The following BICC1 variants were observed in gnomAD, a reference collection of about 807,000 sequenced individuals.
The protein encoded by BICC1 is protein bicaudal C homolog 1.
Under a neutral mutation model 111.0 loss-of-function variants are expected in BICC1, and 43 were observed. The ratio of observed to expected loss-of-function variants is 0.39; its 90% CI spans 0.30 to 0.50. The LOEUF (loss-of-function observed/expected upper bound fraction) is 0.50. BICC1 is among the 20% of genes least tolerant of loss of function. The pLI is 0.88. For synonymous variants in BICC1, 467 were observed against 434.4 expected (o/e 1.07, Z -0.93); for missense variants, 1,091 against 1,203.2 (o/e 0.91, Z 1.38).
At chr10:58,757,997 T>G (rs936029655) in intron 3 of BICC1, among the ~76,000 whole-genome samples, 4 of 152,172 alleles carry the variant, frequency 2.6e-5, no homozygotes, top group African/African-American at 9.7e-5. Flanking sequence ...GTGCTTGGTT[T>G]CCTAAGCCAT....
chr10:58,806,743 G>T (rs905700654), intron 16 of BICC1, 120 bp downstream of exon 16: 3 of 937,144 alleles, frequency 3.2e-6, no homozygotes, highest in African/African-American at 3.3e-5. Context: ...AGAATATTTG[G>T]GTTCAAGTTG....
At chr10:58,740,567 A>G (rs1252219556) in intron 3 of BICC1, among the ~76,000 whole-genome samples, 2 of 152,168 alleles carry the variant, frequency 1.3e-5, no homozygotes, top group Non-Finnish European at 2.9e-5. Flanking sequence ...TTTAGTCAAG[A>G]GTCATTATGG....
intron 3 of BICC1, among the ~76,000 whole-genome samples, chr10:58,756,939 T>C (rs1842165288): frequency 6.6e-6 from 1 of 152,214 alleles, no homozygotes; most frequent in African/African-American, 2.4e-5. Flanking sequence ...TAGACTTTGA[T>C]AGTGAAGCAT....
intron 2 of BICC1, among the ~76,000 whole-genome samples, chr10:58,697,635 A>G (rs568193742): frequency 6.6e-6 from 1 of 152,276 alleles, no homozygotes; most frequent in Non-Finnish European, 1.5e-5. Flanking sequence ...CATTTAGGAC[A>G]TATTTTTGCA....
At chr10:58,775,794 T>A (rs561634914) in intron 3 of BICC1, among the ~76,000 whole-genome samples, 17 of 152,310 alleles carry the variant, frequency 1.1e-4, no homozygotes, top group African/African-American at 3.8e-4. Flanking sequence ...GATAGGCATT[T>A]TGCAAGTGAT....
intron 2 of BICC1, among the ~76,000 whole-genome samples, chr10:58,625,902 G>A (rs1485570181): frequency 6.6e-6 from 1 of 151,940 alleles, no homozygotes; most frequent in Non-Finnish European, 1.5e-5. Flanking sequence ...ATTTCGAGTG[G>A]GTTATTTCCT....
chr10:58,791,640 T>C (rs1290524109), intron 8 of BICC1, among the ~76,000 whole-genome samples: 1 of 151,894 alleles, frequency 6.6e-6, no homozygotes, highest in African/African-American at 2.4e-5. Context: ...CTCAAGAGGC[T>C]GAGACAGGAG....
intron 1 of BICC1, among the ~76,000 whole-genome samples, chr10:58,573,681 CT>C (rs1844028636): frequency 1.3e-5 from 2 of 152,238 alleles, no homozygotes; most frequent in South Asian, 4.1e-4. Context: ...AGTTGTATGA[CT>C]GTTCTCTAAT....
In BICC1 at chr10:58,807,081, A is replaced by T. The variant is rs758938528; in HGVS notation, c.2299A>T (p.Met767Leu). The change falls in exon 17 of 21, where the codon ATG (methionine) becomes TTG (leucine). Residue 767 changes from methionine to leucine, a missense_variant. Coordinates refer to ENST00000373886, the MANE Select transcript of BICC1 (RefSeq NM_001080512.3). Reference protein sequence around the residue: ...TWSGLGFSKSMPAETIKELRR... With the variant: ...TWSGLGFSKSLPAETIKELRR... ...GAGTGGCCTGGGTTTTTCTAAATCC[A>T]TGCCAGCTGAAACTATCAAGGAGTT... 1.2e-6 allele frequency: 2 copies of T among 1,613,988 alleles called. No homozygotes were observed. The highest frequency in any genetic ancestry group is 2.2e-5 in the East Asian group (1 of 44,856).
intron 1 of BICC1, among the ~76,000 whole-genome samples, chr10:58,560,088 G>T (rs1843562866): frequency 6.6e-6 from 1 of 151,826 alleles, no homozygotes; most frequent in Non-Finnish European, 1.5e-5. Flanking sequence ...CATAGAATGA[G>T]TTAGGAAGAA....
intron 1 of BICC1, among the ~76,000 whole-genome samples, chr10:58,524,045 A>C (rs7393610): frequency 0.46 from 69,706 of 151,748 alleles, 17,063 homozygotes; most frequent in Admixed American, 0.62. Flanking sequence ...TCAATGAAAT[A>C]AAAGAGGATA....
At chr10:58,726,961 A>AG (rs1589068434) in intron 3 of BICC1, among the ~76,000 whole-genome samples, 1 of 152,108 alleles carries the variant, frequency 6.6e-6, no homozygotes, top group African/African-American at 2.4e-5. Context: ...GTCCAGGAGG[A>AG]GGAGGGGTAT....
intron 2 of BICC1, among the ~76,000 whole-genome samples, chr10:58,645,307 G>A (rs1440489031): frequency 3.3e-5 from 5 of 151,834 alleles, no homozygotes; most frequent in Non-Finnish European, 7.4e-5. Flanking sequence ...TACTCGGGAG[G>A]CTGAGGCAGG....
At chr10:58,709,569 A>G (rs1253459767) in intron 3 of BICC1, among the ~76,000 whole-genome samples, 1 of 152,260 alleles carries the variant, frequency 6.6e-6, no homozygotes, top group Non-Finnish European at 1.5e-5. Context: ...AAGTGTTTGT[A>G]GATTGAGCCC....
chr10:58,816,794 T>TGA (rs1491077791), intron 18 of BICC1, among the ~76,000 whole-genome samples: 9 of 132,858 alleles, frequency 6.8e-5, no homozygotes, highest in African/African-American at 2.2e-4. Context: ...TGTGTGTGTG[T>TGA]GACTTACTTG....
chr10:58,620,774 C>A, intron 1 of BICC1, 81 bp from the exon 2 acceptor site: 3 of 1,356,658 alleles, frequency 2.2e-6, no homozygotes, highest in Non-Finnish European at 3.1e-6. Flanking sequence ...TTTGCTTTTG[C>A]ATTCTCATAT....
intron 2 of BICC1, among the ~76,000 whole-genome samples, chr10:58,662,153 A>C (rs1838864094): frequency 6.6e-6 from 1 of 152,204 alleles, no homozygotes; most frequent in Non-Finnish European, 1.5e-5. Context: ...AAGAAAACTT[A>C]AGTGGCTATA....
At chr10:58,544,381 T>G (rs1291288738) in intron 1 of BICC1, among the ~76,000 whole-genome samples, 2 of 152,184 alleles carry the variant, frequency 1.3e-5, no homozygotes, top group Non-Finnish European at 2.9e-5. Flanking sequence ...ATTTTAAAAG[T>G]AGACTGTCAT....
rs573116230 is a variant in BICC1 at position 58,521,768 on chromosome 10, GTTTTTTTTTTTT to G, written c.190+8462_190+8473del. Among the ~76,000 whole-genome samples, 48 of 112,806 alleles carry G rather than the reference GTTTTTTTTTTTT, an allele frequency of 4.3e-4. 2 individuals carry two copies. In the East Asian group the frequency reaches 6.2e-3, roughly 15 times the overall value. The allele number at this position is 112,806 out of a possible 152,430, so 74.0% of individuals were successfully genotyped here. On this transcript the variant is annotated intron_variant, in intron 1 of 20. Transcript: ENST00000373886. ...ATGAAAATCAGCCAGGGAATGTGGTGTTTTTTTTTTTTTTTTTTTTTTTTTTTTTTTTTTTTT... is the reference window on the plus strand; with the variant it reads ...ATGAAAATCAGCCAGGGAATGTGGTGTTTTTTTTTTTTTTTTTTTTTTTTT...
Sources: gnomAD v4.1 joint callset for allele counts (sites outside exome capture counted in the v4.1 genomes callset) on GRCh38, gnomAD v4.1.1 for gene constraint, MANE v1.5 for transcripts, NCBI Gene and HGNC (gene_info 2026-07-23, HGNC 2026-07-21) for gene names.